The following CHI3L2 variants were observed in gnomAD, a reference collection of about 807,000 sequenced individuals.
The protein encoded by CHI3L2 is chitinase-3-like protein 2.
A neutral mutation model predicts 47.3 loss-of-function variants in CHI3L2; 47 were observed. That is an observed-to-expected ratio of 0.99 (90% CI 0.79 to 1.27). The LOEUF (loss-of-function observed/expected upper bound fraction) is 1.27, where lower values mean the gene tolerates loss of function less well. Ranked by LOEUF, CHI3L2 falls within the 50% of genes most tolerant of loss-of-function variation. The pLI is 0.00. For synonymous variants in CHI3L2, 198 were observed against 169.9 expected (o/e 1.17, Z -1.28); for missense variants, 497 against 462.1 (o/e 1.08, Z -0.69).
At chr1:111,234,725 C>G (rs553676571) in intron 4 of CHI3L2, among the ~76,000 whole-genome samples, 182 bp from the exon 5 acceptor site, 10 of 152,336 alleles carry the variant, frequency 6.6e-5, no homozygotes, top group Non-Finnish European at 1.5e-4. Context: ...CTGGCTGGAT[C>G]AATGTTCCGG....
chr1:111,227,909 G>A lies in CHI3L2; in HGVS notation c.40+140G>A, dbSNP rs58006689. 6,885 of 818,856 alleles carry A rather than the reference G, an allele frequency of 8.4e-3. 336 individuals carry two copies. In the African/African-American group the frequency reaches 0.1, roughly 12 times the overall value. The allele number at this position is 818,856 out of a possible 1,614,324, so 50.7% of individuals were successfully genotyped here. A position where few individuals can be genotyped will look rare whatever the true frequency, so the allele number is the denominator to read the frequency against. ...TAGTGTCAAAAAATTTCAAGCCAATGCAACTGTTGTAGGGGAACCACCTGA... is the reference window on the plus strand; with the variant it reads ...TAGTGTCAAAAAATTTCAAGCCAATACAACTGTTGTAGGGGAACCACCTGA... On this transcript the variant is annotated intron_variant, in intron 1 of 10. Transcript: ENST00000369748.
At chr1:111,239,074 T>C in intron 8 of CHI3L2, 142 bp downstream of exon 8, 5 of 779,068 alleles carry the variant, frequency 6.4e-6, no homozygotes, top group Non-Finnish European at 9.6e-6. Context: ...GGGGATCTCC[T>C]AACTCTGGGT....
At position 111,235,694 on chromosome 1, in the gene CHI3L2, T is replaced by C; in HGVS notation, c.536T>C (p.Leu179Pro). Reference sequence around the variant, plus strand: ...ACAAAATCCACCAAGGAAAGGCTTCTCTTGACTGCGGGCGTATCTGCAGGG... The same window carrying C: ...ACAAAATCCACCAAGGAAAGGCTTCCCTTGACTGCGGGCGTATCTGCAGGG... ...DFTKSTKERL[L>P]LTAGVSAGRQ... Residue 179 changes from leucine (L) to proline (P), a missense_variant, in exon 6 of 11, where the codon CTC (leucine) becomes CCC (proline). Leu to Pro is a moderately conservative substitution (Grantham distance 98). Transcript: ENST00000369748. 1 of 1,614,214 alleles carries C rather than the reference T, an allele frequency of 6.2e-7. No individual in the cohort carries two copies. The highest frequency in any genetic ancestry group is 8.5e-7 in the Non-Finnish European group (1 of 1,180,030).
Position 111,236,105 on chromosome 1 carries a change from T to C in CHI3L2, c.687T>C (p.Pro229=). The part of the protein sequence containing the change: ...EKPLITGHNS[P]LSKGWQDRGP... ...CCCTTATCACTGGCCACAACAGCCCTCTGAGCAAGGGGTGGCAGGACAGAG... is the reference window on the plus strand; with the variant it reads ...CCCTTATCACTGGCCACAACAGCCCCCTGAGCAAGGGGTGGCAGGACAGAG... Residue 229 remains proline, a synonymous_variant, in exon 7 of 11, where the codon CCT becomes CCC. Coordinates refer to ENST00000369748, the MANE Select transcript of CHI3L2 (RefSeq NM_004000.3). 2 of 1,614,188 alleles carry C rather than the reference T, an allele frequency of 1.2e-6. No individual in the cohort carries two copies. The highest frequency in any genetic ancestry group is 1.1e-5 in the South Asian group (1 of 91,084).
At chr1:111,242,608 C>T in intron 10 of CHI3L2, 1 of 337,602 alleles carries the variant, frequency 3.0e-6, no homozygotes, top group Non-Finnish European at 5.3e-6. Flanking sequence ...ATAGTATGAG[C>T]TAAAGACTTT....
chr1:111,234,657 G>A (rs1251236557), intron 4 of CHI3L2, among the ~76,000 whole-genome samples: 1 of 152,146 alleles, frequency 6.6e-6, no homozygotes, highest in African/African-American at 2.4e-5. Context: ...AAGAGTCTTA[G>A]CCAAAGGCAG....
intron 2 of CHI3L2, 121 bp downstream of exon 2, chr1:111,230,002 C>T: frequency 9.2e-7 from 1 of 1,086,618 alleles, no homozygotes. Context: ...GGTTCTGCCA[C>T]TGACATATTT....
intron 7 of CHI3L2, among the ~76,000 whole-genome samples, chr1:111,236,881 C>A (rs776155509): frequency 1.3e-5 from 2 of 152,102 alleles, no homozygotes; most frequent in African/African-American, 2.4e-5. Flanking sequence ...GGATGGGGGA[C>A]AGAAAGTGGC....
chr1:111,242,743 T>C (rs1660098152), intron 10 of CHI3L2: 2 of 169,712 alleles, frequency 1.2e-5, no homozygotes, highest in South Asian at 2.9e-4. Flanking sequence ...ACTGGACTGA[T>C]GATAATTTCC....
chr1:111,241,590 A>T, intron 9 of CHI3L2, 147 bp downstream of exon 9: 1 of 608,484 alleles, frequency 1.6e-6, no homozygotes. Flanking sequence ...CAAGTCTAGT[A>T]GTGACTCTAT....
Position 111,241,742 on chromosome 1 carries a change from C to A in CHI3L2, c.1035+299C>A, listed in dbSNP as rs75126496. Among the ~76,000 whole-genome samples, 14 of 152,178 alleles carry A rather than the reference C, an allele frequency of 9.2e-5. 1 individual carries two copies. The East Asian group carries it at 2.7e-3, about 29-fold the overall frequency. ...GAGAAGGGAGAGGGAATAAAGGAGACGTTGGTGCCTGTATAGATAATCTAC... is the reference window on the plus strand; with the variant it reads ...GAGAAGGGAGAGGGAATAAAGGAGAAGTTGGTGCCTGTATAGATAATCTAC... On this transcript the variant is annotated intron_variant, in intron 9 of 10. Transcript: ENST00000369748.
At chr1:111,230,265 T>A (rs1274993245) in intron 2 of CHI3L2, among the ~76,000 whole-genome samples, 1 of 151,822 alleles carries the variant, frequency 6.6e-6, no homozygotes, top group African/African-American at 2.4e-5. Context: ...TTTTTTTAAA[T>A]TTTTTTGAGA....
intron 7 of CHI3L2, 29 bp from the exon 8 acceptor site, chr1:111,238,721 C>CT (rs1234181205): frequency 6.2e-7 from 1 of 1,610,596 alleles, no homozygotes; most frequent in African/African-American, 1.3e-5. Context: ...TCCCCACACT[C>CT]TGAGCCTCCA....
Position 111,235,009 on chromosome 1 carries a change from G to A in CHI3L2, c.432G>A (p.Trp144Ter), listed in dbSNP as rs1167288226. Residue 144 changes from tryptophan to a stop codon, truncating the protein, a stop_gained, in exon 5 of 11, where the codon TGG (tryptophan) becomes TGA (stop). Transcript: ENST00000369748. LOFTEE classifies it high-confidence loss of function. ...NHNFDGLDVSWIYPDQKENTH... is the reference protein window; with the variant it reads ...NHNFDGLDVS ...ACTTTGATGGACTGGATGTAAGCTG[G>A]ATCTACCCAGATCAGAAAGAAAACA... 1.2e-6 allele frequency: 2 copies of A among 1,614,070 alleles called. No homozygotes were observed. The highest frequency in any genetic ancestry group is 4.5e-5 in the East Asian group (2 of 44,884).
intron 1 of CHI3L2, among the ~76,000 whole-genome samples, chr1:111,228,921 G>A (rs1364482066): frequency 6.6e-6 from 1 of 152,138 alleles, no homozygotes; most frequent in Non-Finnish European, 1.5e-5. Flanking sequence ...AGTCTTCCTA[G>A]GGTAGATGTC....
intron 7 of CHI3L2, 135 bp downstream of exon 7, chr1:111,236,288 A>G: frequency 1.1e-6 from 1 of 907,046 alleles, no homozygotes; most frequent in East Asian, 2.6e-5. Flanking sequence ...TAGCCCCAGG[A>G]GCAAGTGAGT....
chr1:111,232,474 C>G (rs1161347385), intron 4 of CHI3L2, among the ~76,000 whole-genome samples: 1 of 152,168 alleles, frequency 6.6e-6, no homozygotes, highest in Non-Finnish European at 1.5e-5. Context: ...TAGATGCATG[C>G]AAGCTATGTG....
chr1:111,229,639 A>C (rs6537685), intron 1 of CHI3L2: 2 of 476,496 alleles, frequency 4.2e-6, no homozygotes, highest in Non-Finnish European at 5.8e-6. Context: ...CCGAGATCAC[A>C]CCACTGCACT....
chr1:111,234,789 A>G (rs112513558), intron 4 of CHI3L2, 118 bp from the exon 5 acceptor site: 1 of 941,456 alleles, frequency 1.1e-6, no homozygotes, highest in East Asian at 2.4e-5. Context: ...ATTAGAATAG[A>G]CAAATTGTAA....
Sources: allele counts gnomAD v4.1 joint callset (sites outside exome capture counted in the v4.1 genomes callset), GRCh38; gene constraint gnomAD v4.1.1; transcripts MANE v1.5; gene names NCBI Gene and HGNC (gene_info 2026-07-23, HGNC 2026-07-21).